Variants in DCC observed in about 807,000 individuals in gnomAD.
The protein encoded by DCC is DCC netrin 1 receptor.
DCC carries 58 observed loss-of-function variants against 172.5 expected under a neutral mutation model. The observed-to-expected ratio is 0.34, with a 90% CI of 0.27 to 0.42. The LOEUF is 0.42. Among genes scored for constraint, DCC ranks in the 10% least tolerant of loss-of-function variants. The pLI, the probability that DCC is intolerant of heterozygous loss-of-function variation, is 1.00. For missense variants in DCC, 1,740 were observed against 1,791.0 expected (o/e 0.97, Z 0.51); for synonymous variants, 709 against 644.5 (o/e 1.10, Z -1.52).
chr18:52,630,020 G>A (rs2034646580), intron 1 of DCC, among the ~76,000 whole-genome samples: 1 of 149,454 alleles, frequency 6.7e-6, no homozygotes, highest in Non-Finnish European at 1.5e-5. Context: ...CAGCTACTCA[G>A]GAGGTTGAGG....
At chr18:52,658,538 GC>G (rs2144941650) in intron 1 of DCC, among the ~76,000 whole-genome samples, 1 of 151,752 alleles carries the variant, frequency 6.6e-6, no homozygotes, top group Non-Finnish European at 1.5e-5. Flanking sequence ...CCAAAACTTG[GC>G]AATAATCTTT....
At chr18:53,060,009 A>ATT (rs556823473) in intron 5 of DCC, among the ~76,000 whole-genome samples, 16 of 146,456 alleles carry the variant, frequency 1.1e-4, no homozygotes, top group East Asian at 8.0e-4. Context: ...ACTTAGACTC[A>ATT]TTTTTTTTTT....
intron 12 of DCC, among the ~76,000 whole-genome samples, chr18:53,304,959 G>A (rs1007059021): frequency 7.2e-5 from 11 of 152,134 alleles, no homozygotes; most frequent in Admixed American, 3.9e-4. Flanking sequence ...AATCATGGGG[G>A]CAGGTCTTTC....
At chr18:52,783,054 T>G (rs1180296830) in intron 2 of DCC, among the ~76,000 whole-genome samples, 1 of 152,082 alleles carries the variant, frequency 6.6e-6, no homozygotes, top group Admixed American at 6.6e-5. Flanking sequence ...TAGATGTTTC[T>G]AAAAGTATGT....
In DCC at chr18:53,168,575, G is replaced by C. The variant is rs150580926; in HGVS notation, c.1419-10387G>C. ...CACTGGGGTCTGTCTGGGGGCGGGC[G>C]GGGGGGCTAGGGGAGGGATAGTATT... is the stretch of plus-strand genomic sequence containing the variant. On this transcript the variant is annotated intron_variant, in intron 8 of 28. Transcript: ENST00000442544. Among the ~76,000 whole-genome samples the C allele has an allele frequency of 8.7e-3, 1,233 of 141,054 alleles. 19 individuals carry two copies. The highest frequency in any genetic ancestry group is 0.03 in the African/African-American group (1,147 of 38,490). The allele number at this position is 141,054 out of a possible 152,430, so 92.5% of individuals were successfully genotyped here. A position where few individuals can be genotyped will look rare whatever the true frequency, so the allele number is the denominator to read the frequency against.
chr18:52,609,159 G>A (rs773874033), intron 1 of DCC, among the ~76,000 whole-genome samples: 2 of 152,228 alleles, frequency 1.3e-5, no homozygotes, highest in South Asian at 2.1e-4. Flanking sequence ...TGTTTAATAT[G>A]CTTTGCCTCT....
chr18:53,125,898 A>G (rs2043549109), intron 7 of DCC, among the ~76,000 whole-genome samples: 1 of 152,136 alleles, frequency 6.6e-6, no homozygotes. Context: ...TGAAACAGAT[A>G]CATTATACAT....
In DCC at chr18:53,457,631, T is replaced by C. The variant is rs1331081608; in HGVS notation, c.3393-1601T>C. 2.0e-5 allele frequency among the ~76,000 whole-genome samples: 3 copies of C among 152,188 alleles called. No homozygotes were observed. In the East Asian group the frequency reaches 5.8e-4, roughly 29 times the overall value. ...GGAGTAGATTACACAGGGAGCTGTG[T>C]GTGAGTTGCAGATCAGTTTGCCGTG... On this transcript the variant is annotated intron_variant, in intron 23 of 28. Coordinates refer to ENST00000442544, the MANE Select transcript of DCC (RefSeq NM_005215.4).
chr18:52,835,098 T>C (rs781278137), intron 2 of DCC, among the ~76,000 whole-genome samples: 1 of 152,248 alleles, frequency 6.6e-6, no homozygotes, highest in Admixed American at 6.5e-5. Flanking sequence ...TTCACTGATA[T>C]ACACGATTGA....
intron 1 of DCC, among the ~76,000 whole-genome samples, chr18:52,444,864 T>C (rs1410759379): frequency 3.9e-5 from 6 of 152,126 alleles, no homozygotes; most frequent in Non-Finnish European, 1.5e-5. Flanking sequence ...ACCTCAAGTA[T>C]GGTGAAAAGC....
chr18:53,510,511 A>ATGTGTT (rs2046237779), intron 27 of DCC, among the ~76,000 whole-genome samples: 2 of 152,312 alleles, frequency 1.3e-5, no homozygotes, highest in South Asian at 2.1e-4. Context: ...TCAAAAGAGT[A>ATGTGTT]TGTGTTTGAG....
At position 53,250,496 on chromosome 18, in the gene DCC, G is replaced by T. The variant is rs531333714; in HGVS notation, c.1911+34899G>T. ...ACTATACCTAGGGTCCCTCTGCCTT[G>T]TTTCACTCTGATCTGGTGTCTGCCC... On this transcript the variant is annotated intron_variant, in intron 12 of 28. Transcript: ENST00000442544. 3.3e-5 allele frequency among the ~76,000 whole-genome samples: 5 copies of T among 151,920 alleles called. No individual in the cohort carries two copies. In the East Asian group the frequency reaches 9.7e-4, roughly 30 times the overall value.
intron 5 of DCC, among the ~76,000 whole-genome samples, chr18:52,960,483 C>T (rs2040824679): frequency 6.6e-6 from 1 of 151,960 alleles, no homozygotes. Context: ...TCTTTTTATT[C>T]TACCCATTTG....
intron 1 of DCC, among the ~76,000 whole-genome samples, chr18:52,550,392 A>G (rs2032735239): frequency 6.6e-6 from 1 of 151,966 alleles, no homozygotes; most frequent in Non-Finnish European, 1.5e-5. Flanking sequence ...TATGGATTTT[A>G]TTTTAAAACA....
chr18:53,257,844 AC>A (rs1290264520), intron 12 of DCC, among the ~76,000 whole-genome samples: 1 of 151,978 alleles, frequency 6.6e-6, no homozygotes, highest in African/African-American at 2.4e-5. Flanking sequence ...CTGGTCCTGG[AC>A]TTTTTTTGGT....
chr18:53,176,906 A>G (rs1019458235), intron 8 of DCC, among the ~76,000 whole-genome samples: 3 of 151,170 alleles, frequency 2.0e-5, no homozygotes, highest in African/African-American at 7.3e-5. Flanking sequence ...ATTATTCACA[A>G]TAGCAAAGAC....
At chr18:53,464,518 CAA>C (rs1013382170) in intron 24 of DCC, among the ~76,000 whole-genome samples, 5 of 151,548 alleles carry the variant, frequency 3.3e-5, no homozygotes, top group Admixed American at 6.6e-5. Flanking sequence ...AGACAAGCCA[CAA>C]AGTGTTACTA....
Position 52,494,264 on chromosome 18 carries a change from A to ATGTGTGTGTGTGTG in DCC, c.91+153402_91+153415dup, listed in dbSNP as rs10633986. Among the ~76,000 whole-genome samples, 365 of 147,530 alleles carry ATGTGTGTGTGTGTG rather than the reference A, an allele frequency of 2.5e-3. 3 individuals carry two copies. Among genetic ancestry groups the ATGTGTGTGTGTGTG allele is most frequent in the East Asian group, 6.7e-3 (33 of 4,928 alleles). On this transcript the variant is annotated intron_variant, in intron 1 of 28. Transcript: ENST00000442544. ...TGATTATGATATGGTATGGTTTGTG[A>ATGTGTGTGTGTGTG]TGTGTGTGTGTGTGTGTGTGTGTGT... is the stretch of plus-strand genomic sequence containing the variant.
intron 1 of DCC, among the ~76,000 whole-genome samples, chr18:52,370,972 A>G (rs577241237): frequency 6.6e-6 from 1 of 152,346 alleles, no homozygotes; most frequent in East Asian, 1.9e-4. Context: ...CGGTAAATAC[A>G]GAGAGCATGC....
Sources: gnomAD v4.1 joint callset for allele counts (sites outside exome capture counted in the v4.1 genomes callset) on GRCh38, gnomAD v4.1.1 for gene constraint, MANE v1.5 for transcripts, NCBI Gene and HGNC (gene_info 2026-07-23, HGNC 2026-07-21) for gene names.